CCDC187: variants seen among roughly 807,000 people sequenced by gnomAD.
CCDC187 encodes the protein coiled-coil domain containing 187.
A neutral mutation model predicts 38.0 loss-of-function variants in CCDC187; 32 were observed. That is an observed-to-expected ratio of 0.84 (90% CI 0.64 to 1.13). The LOEUF (loss-of-function observed/expected upper bound fraction) is 1.13. CCDC187 is among the 50% of genes most tolerant of loss of function. CCDC187 has a pLI of 0.00. For missense variants in CCDC187, 707 were observed against 786.8 expected (o/e 0.90, Z 1.21); for synonymous variants, 333 against 347.9 (o/e 0.96, Z 0.48).
At chr9:136,255,822 C>T in intron 24 of CCDC187, 89 bp from the exon 25 acceptor site, 20 of 608,798 alleles carry the variant, frequency 3.3e-5, no homozygotes, top group Non-Finnish European at 4.1e-5. Flanking sequence ...CCACCAGGCT[C>T]AGTCCACAGC....
chr9:136,268,761 A>G (rs1830791413), intron 14 of CCDC187, among the ~76,000 whole-genome samples: 1 of 152,236 alleles, frequency 6.6e-6, no homozygotes, highest in South Asian at 2.1e-4. Context: ...TCACACACAC[A>G]TATGAAATAA....
chr9:136,254,813 T>G lies in CCDC187; in HGVS notation c.5015A>C (p.His1672Pro). The change falls in exon 26 of 26, where the codon CAC (histidine) becomes CCC (proline). Residue 1672 changes from histidine (H) to proline (P), a missense_variant. His to Pro is a moderately conservative substitution (Grantham distance 77, BLOSUM62 -2). Transcript: ENST00000638797. Reference protein sequence around the residue: ...FSWPGELSARHSSGEAGLPLS... With the variant: ...FSWPGELSARPSSGEAGLPLS... ...AGGCAGGCCAGCTTCCCCCGAGGAG[T>G]GTCGGGCAGAGAGCTCTCCAGGCCA... 2.0e-6 allele frequency: 2 copies of G among 985,114 alleles called. No homozygotes were observed. Among genetic ancestry groups the G allele is most frequent in the African/African-American group, 3.5e-5 (2 of 57,238 alleles). 61.0% of individuals were successfully genotyped at this position (985,114 alleles called of 1,614,324 possible).
chr9:136,264,751 C>T lies in CCDC187; in HGVS notation c.3736-953G>A, dbSNP rs909151324. Among the ~76,000 whole-genome samples, 34 of 149,998 alleles carry T rather than the reference C, an allele frequency of 2.3e-4. No homozygotes were observed. The highest frequency in any genetic ancestry group is 1.3e-4 in the Non-Finnish European group (9 of 67,422). ...GGTCGTGGGCAAAGTAGTCCCCCAC[C>T]CCAGCTCACCTTTTTTTTTTTTGAA... On this transcript the variant is annotated intron_variant, in intron 17 of 25. Transcript: ENST00000638797. This position sits in a 1 kb window ranked among gnomAD's most constrained non-coding sequence, Gnocchi z 4.3.
chr9:136,256,531 C>T (rs79164126), intron 23 of CCDC187, among the ~76,000 whole-genome samples, 174 bp downstream of exon 23: 1,806 of 152,342 alleles, frequency 0.012, 25 homozygotes, highest in African/African-American at 0.04. Flanking sequence ...TTTTTCTGCC[C>T]AGGTGTTGAG....
intron 17 of CCDC187, 164 bp from the exon 18 acceptor site, chr9:136,263,962 T>C: frequency 9.2e-6 from 3 of 327,360 alleles, no homozygotes; most frequent in Non-Finnish European, 1.3e-5. Context: ...GGGCCTAGGA[T>C]ACCCCCATGG....
chr9:136,261,232 A>G (rs782309153), intron 19 of CCDC187, among the ~76,000 whole-genome samples: 2 of 152,098 alleles, frequency 1.3e-5, no homozygotes, highest in African/African-American at 4.8e-5. Flanking sequence ...GAACGGCCCA[A>G]TGAAGGAGGG....
intron 14 of CCDC187, among the ~76,000 whole-genome samples, chr9:136,269,009 G>A (rs1412265544): frequency 6.6e-6 from 1 of 152,200 alleles, no homozygotes; most frequent in Non-Finnish European, 1.5e-5. Context: ...AGAGAGGAGA[G>A]AGTCGCACAG....
rs1830713898 is a variant in CCDC187 at position 136,264,198 on chromosome 9, A to G, written c.3736-400T>C. 6.6e-6 allele frequency: 1 copy of G among 152,368 alleles called. No homozygotes were observed. The highest frequency in any genetic ancestry group is 1.5e-5 in the Non-Finnish European group (1 of 68,160). The allele number at this position is 152,368 out of a possible 1,614,324, so 9.4% of individuals were successfully genotyped here. A position where few individuals can be genotyped will look rare whatever the true frequency, so the allele number is the denominator to read the frequency against. Reference sequence around the variant, plus strand: ...GCACCCTCGGAACAACCTTGCACAGAGCCCAGGGCCGGGCCGGGCCGTTGC... The same window carrying G: ...GCACCCTCGGAACAACCTTGCACAGGGCCCAGGGCCGGGCCGGGCCGTTGC... On this transcript the variant is annotated intron_variant, in intron 17 of 25. Transcript: ENST00000638797. This position sits in a 1 kb window ranked among gnomAD's most constrained non-coding sequence, Gnocchi z 4.3.
intron 19 of CCDC187, among the ~76,000 whole-genome samples, chr9:136,262,096 C>T (rs1411000722): frequency 2.0e-5 from 3 of 152,230 alleles, no homozygotes; most frequent in Non-Finnish European, 2.9e-5. Flanking sequence ...AAACCAAAGC[C>T]AACGGCCATA....
chr9:136,304,448 G>A (rs1356050680), upstream of CCDC187, among the ~76,000 whole-genome samples: 3 of 152,212 alleles, frequency 2.0e-5, no homozygotes. Context: ...GGCTGGGCAG[G>A]GGAAGGGGCG....
At position 136,258,165 on chromosome 9, in the gene CCDC187, C is replaced by T. The variant is rs529241558; in HGVS notation, c.4366+767G>A. Among the ~76,000 whole-genome samples, 7 of 152,290 alleles carry T rather than the reference C, an allele frequency of 4.6e-5. No individual in the cohort carries two copies. Among genetic ancestry groups the T allele is most frequent in the African/African-American group, 7.2e-5 (3 of 41,552 alleles). ...GAGGGAAAGCGCTCTGTATTCACTC[C>T]GCCTCCCAGTGTCACTGGCCTCTCC... On this transcript the variant is annotated intron_variant, in intron 22 of 25. Coordinates refer to ENST00000638797, the MANE Select transcript of CCDC187 (RefSeq NM_001378188.1). The surrounding 1 kb of genome is among the most constrained non-coding windows in gnomAD (Gnocchi z 4.3).
chr9:136,290,209 G>A (rs1831284008), intron 6 of CCDC187, among the ~76,000 whole-genome samples, 156 bp from the exon 7 acceptor site: 1 of 152,150 alleles, frequency 6.6e-6, no homozygotes, highest in Non-Finnish European at 1.5e-5. Context: ...GGGGCTGTGA[G>A]AGGCAAGGGG....
At chr9:136,268,617 C>T (rs1470668056) in intron 14 of CCDC187, among the ~76,000 whole-genome samples, 4 of 152,170 alleles carry the variant, frequency 2.6e-5, no homozygotes, top group African/African-American at 9.7e-5. Context: ...TTCCCTCCCA[C>T]CAAAGACAGA....
chr9:136,268,461 G>A lies in CCDC187; in HGVS notation c.3443-336C>T, dbSNP rs192918164. ...GGCCCAGAGAGGGAGAAGGGCTGTC[G>A]GGGTCTAGCACCAAGGAGCTGGCAG... On this transcript the variant is annotated intron_variant, in intron 14 of 25. Transcript: ENST00000638797. 1.7e-4 allele frequency among the ~76,000 whole-genome samples: 26 copies of A among 152,250 alleles called. No homozygotes were observed. In the East Asian group the frequency reaches 3.3e-3, roughly 19 times the overall value.
At chr9:136,292,418 G>A (rs898426341) in intron 4 of CCDC187, 123 bp from the exon 5 acceptor site, 8 of 396,772 alleles carry the variant, frequency 2.0e-5, no homozygotes, top group African/African-American at 6.2e-5. Flanking sequence ...AGAAGGCACC[G>A]GGAGGATATC....
intron 14 of CCDC187, among the ~76,000 whole-genome samples, chr9:136,272,220 G>A (rs1419103232): frequency 2.0e-5 from 3 of 152,148 alleles, no homozygotes; most frequent in Non-Finnish European, 2.9e-5. Flanking sequence ...TACATCTACC[G>A]GAAGCAATGG....
chr9:136,285,793 G>A (rs1360323404), intron 8 of CCDC187, 187 bp from the exon 9 acceptor site: 18 of 397,256 alleles, frequency 4.5e-5, no homozygotes, highest in Admixed American at 4.4e-4. Flanking sequence ...GGAGCCACTG[G>A]AGCGGCCTCA....
chr9:136,300,939 G>T (rs1170987900), intron 2 of CCDC187, among the ~76,000 whole-genome samples: 1 of 152,230 alleles, frequency 6.6e-6, no homozygotes, highest in Non-Finnish European at 1.5e-5. Context: ...CAATGTTCCA[G>T]GCCTGAGAAT....
intron 16 of CCDC187, 178 bp from the exon 17 acceptor site, chr9:136,266,221 A>G (rs1830743432): frequency 1.1e-5 from 2 of 180,548 alleles, no homozygotes; most frequent in African/African-American, 4.8e-5. Context: ...GGGTGGCCAG[A>G]TGGCCCAACC....
Sources: allele counts gnomAD v4.1 joint callset (sites outside exome capture counted in the v4.1 genomes callset), GRCh38; gene constraint gnomAD v4.1.1; non-coding constraint Gnocchi (gnomAD v3.1); transcripts MANE v1.5; gene names NCBI Gene and HGNC (gene_info 2026-07-23, HGNC 2026-07-21).